The following AK5 variants were observed in gnomAD, a reference collection of about 807,000 sequenced individuals.
AK5 encodes the protein adenylate kinase 5, also known as adenylate kinase isoenzyme 5.
A neutral mutation model predicts 69.5 loss-of-function variants in AK5; 27 were observed. The observed-to-expected ratio is 0.39, with a 90% CI of 0.29 to 0.54. AK5 has a LOEUF of 0.54. AK5 is among the 20% of genes least tolerant of loss of function. The pLI is 0.71. For synonymous variants in AK5, 260 were observed against 244.4 expected, an observed-to-expected ratio of 1.06 and a Z score of -0.60; for missense variants, 531 against 700.4, an observed-to-expected ratio of 0.76 and a Z score of 2.73.
chr1:77,469,696 T>C (rs1654346658), intron 8 of AK5, among the ~76,000 whole-genome samples: 1 of 152,260 alleles, frequency 6.6e-6, no homozygotes, highest in Non-Finnish European at 1.5e-5. Flanking sequence ...ACCCAAACTG[T>C]GCTCCATATG....
chr1:77,424,458 T>C (rs569212869), intron 8 of AK5, among the ~76,000 whole-genome samples: 1 of 152,028 alleles, frequency 6.6e-6, no homozygotes, highest in Non-Finnish European at 1.5e-5. Context: ...AGTCATGCTG[T>C]GTTGCCCAGG....
intron 10 of AK5, among the ~76,000 whole-genome samples, chr1:77,501,226 C>T (rs1656700408): frequency 6.6e-6 from 1 of 152,218 alleles, no homozygotes; most frequent in Non-Finnish European, 1.5e-5. Context: ...ATGGGCCAAA[C>T]CTTGAAAGGC....
intron 5 of AK5, among the ~76,000 whole-genome samples, chr1:77,316,723 G>A (rs1393155898): frequency 1.3e-5 from 2 of 152,154 alleles, no homozygotes; most frequent in Non-Finnish European, 2.9e-5. Flanking sequence ...GACTTAGCTT[G>A]TTTATAATTA....
chr1:77,393,194 T>C (rs1648601861), intron 6 of AK5, among the ~76,000 whole-genome samples: 1 of 152,164 alleles, frequency 6.6e-6, no homozygotes, highest in African/African-American at 2.4e-5. Context: ...AGGAAAGCAT[T>C]TTGTGATACT....
intron 6 of AK5, among the ~76,000 whole-genome samples, chr1:77,382,718 C>T (rs776255171): frequency 3.3e-5 from 5 of 152,184 alleles, no homozygotes; most frequent in African/African-American, 7.2e-5. Context: ...TTGGGCAAGT[C>T]ATTAACATCT....
At chr1:77,290,597 A>T (rs907494756) in intron 2 of AK5, among the ~76,000 whole-genome samples, 3 of 152,202 alleles carry the variant, frequency 2.0e-5, no homozygotes, top group Non-Finnish European at 4.4e-5. Flanking sequence ...ATCTGTGAAT[A>T]AGAGTTCTAA....
At chr1:77,369,711 C>T (rs1647084056) in intron 6 of AK5, among the ~76,000 whole-genome samples, 1 of 151,938 alleles carries the variant, frequency 6.6e-6, no homozygotes, top group African/African-American at 2.4e-5. Flanking sequence ...TAAGAATGTA[C>T]AATATTAGAA....
chr1:77,394,360 A>G (rs1241944518), intron 6 of AK5, among the ~76,000 whole-genome samples: 1 of 152,140 alleles, frequency 6.6e-6, no homozygotes, highest in Non-Finnish European at 1.5e-5. Context: ...TGTGGGCTCA[A>G]ATTCTCTCTC....
intron 6 of AK5, chr1:77,349,371 C>G (rs972327654): frequency 6.6e-6 from 1 of 152,112 alleles, no homozygotes; most frequent in Non-Finnish European, 1.5e-5. Flanking sequence ...GGGGCAGATA[C>G]TATTATTATC....
intron 5 of AK5, among the ~76,000 whole-genome samples, chr1:77,329,347 T>C (rs1660971740): frequency 6.6e-6 from 1 of 152,264 alleles, no homozygotes; most frequent in South Asian, 2.1e-4. Flanking sequence ...GAAAGTTTCT[T>C]ATAATATAAA....
intron 6 of AK5, among the ~76,000 whole-genome samples, chr1:77,353,432 C>G (rs1207923178): frequency 1.3e-5 from 2 of 152,070 alleles, no homozygotes; most frequent in South Asian, 4.2e-4. Context: ...GAGCCAAAAT[C>G]GTGCCACTGT....
chr1:77,479,749 G>C (rs138127437), intron 8 of AK5, among the ~76,000 whole-genome samples: 3,061 of 152,264 alleles, frequency 0.02, 128 homozygotes, highest in Admixed American at 0.11. Flanking sequence ...ATGTCCCGTT[G>C]TGCACACAAA....
intron 12 of AK5, among the ~76,000 whole-genome samples, chr1:77,533,852 A>C (rs1368351999): frequency 6.6e-6 from 1 of 152,078 alleles, no homozygotes; most frequent in South Asian, 2.1e-4. Flanking sequence ...TTTCAGGGAG[A>C]ACATTAAGCC....
chr1:77,315,324 GCATACTAC>G (rs1257344986), intron 5 of AK5, among the ~76,000 whole-genome samples: 8 of 151,906 alleles, frequency 5.3e-5, no homozygotes, highest in African/African-American at 1.9e-4. Flanking sequence ...TTTTGGTCAT[GCATACTAC>G]CAGTAAGTTA....
rs1189334318 is a variant in AK5, at chr1:77,340,321, A to G, written c.700-56A>G. The G allele has an allele frequency of 2.0e-6, 3 of 1,490,866 alleles. No homozygotes were observed. In the African/African-American group the frequency reaches 4.2e-5, roughly 21 times the overall value. The allele number at this position is 1,490,866 out of a possible 1,614,324, so 92.4% of individuals were successfully genotyped here. ...CAAAAGGAAATGAATGCAGCTGCCC[A>G]CACATGCATTAGTTGGTATGTTGAA... On this transcript the variant is annotated intron_variant, in intron 5 of 13. Transcript: ENST00000354567.
At chr1:77,509,005 C>T (rs1357889084) in intron 10 of AK5, among the ~76,000 whole-genome samples, 1 of 152,170 alleles carries the variant, frequency 6.6e-6, no homozygotes, top group Non-Finnish European at 1.5e-5. Context: ...TCAGCTTCTT[C>T]ACTTTACAGA....
At chr1:77,556,227 C>T (rs1197092592) in intron 13 of AK5, among the ~76,000 whole-genome samples, 1 of 152,210 alleles carries the variant, frequency 6.6e-6, no homozygotes, top group African/African-American at 2.4e-5. Flanking sequence ...GCTCCACCCT[C>T]CCCATATGTC....
chr1:77,483,392 T>G (rs764070213), intron 9 of AK5, 33 bp downstream of exon 9: 2 of 1,560,794 alleles, frequency 1.3e-6, no homozygotes, highest in Non-Finnish European at 1.8e-6. Flanking sequence ...ATCAAAGTTG[T>G]CATTTTAGTA....
intron 10 of AK5, among the ~76,000 whole-genome samples, chr1:77,512,672 C>A (rs1446485233): frequency 6.6e-6 from 1 of 151,870 alleles, no homozygotes. Context: ...GGGTATATAC[C>A]CAAAGGACTA....
Sources: allele counts gnomAD v4.1 joint callset (sites outside exome capture counted in the v4.1 genomes callset), GRCh38; gene constraint gnomAD v4.1.1; transcripts MANE v1.5; gene names NCBI Gene and HGNC (gene_info 2026-07-23, HGNC 2026-07-21).